GPC5: variants seen among roughly 807,000 people sequenced by gnomAD.
GPC5 encodes glypican-5.
A neutral mutation model predicts 53.9 loss-of-function variants in GPC5; 47 were observed. The ratio of observed to expected loss-of-function variants is 0.87; its 90% confidence interval spans 0.69 to 1.11. GPC5 has a LOEUF of 1.11. Ranked by LOEUF, GPC5 falls within the 50% of genes most tolerant of loss-of-function variation. The pLI, the probability that GPC5 is intolerant of heterozygous loss-of-function variation, is 0.00. For synonymous variants in GPC5, 286 were observed against 263.3 expected, an observed-to-expected ratio of 1.09 and a Z score of -0.84; for missense variants, 748 against 713.1, an observed-to-expected ratio of 1.05 and a Z score of -0.56.
At chr13:92,754,917 T>A (rs1411140462) in intron 7 of GPC5, among the ~76,000 whole-genome samples, 2 of 150,012 alleles carry the variant, frequency 1.3e-5, no homozygotes, top group Non-Finnish European at 3.0e-5. Context: ...ATTAGACAGA[T>A]CAACGAGACA....
At chr13:91,635,801 T>C (rs1324065919) in intron 2 of GPC5, among the ~76,000 whole-genome samples, 1 of 152,126 alleles carries the variant, frequency 6.6e-6, no homozygotes, top group East Asian at 1.9e-4. Flanking sequence ...TAGAATTATA[T>C]TGTCAGTTTC....
At chr13:92,282,848 A>C (rs190158929) in intron 7 of GPC5, among the ~76,000 whole-genome samples, 5 of 152,340 alleles carry the variant, frequency 3.3e-5, no homozygotes, top group African/African-American at 9.6e-5. Flanking sequence ...TGAGCAAAAT[A>C]ACCAGCTAAC....
At chr13:92,785,601 A>G (rs1364115253) in intron 7 of GPC5, among the ~76,000 whole-genome samples, 2 of 152,212 alleles carry the variant, frequency 1.3e-5, no homozygotes, top group Admixed American at 6.5e-5. Flanking sequence ...CTAGGAATCC[A>G]TCATATAGTG....
At chr13:92,610,213 A>T (rs552309454) in intron 7 of GPC5, among the ~76,000 whole-genome samples, 1 of 152,250 alleles carries the variant, frequency 6.6e-6, no homozygotes, top group South Asian at 2.1e-4. Flanking sequence ...TGGATATTTG[A>T]TTATCTAGAG....
At chr13:92,672,312 A>G (rs1215746626) in intron 7 of GPC5, among the ~76,000 whole-genome samples, 1 of 152,190 alleles carries the variant, frequency 6.6e-6, no homozygotes, top group African/African-American at 2.4e-5. Flanking sequence ...TTAGAGAAAT[A>G]CAAATCAAGA....
chr13:92,819,631 C>G (rs1362763155), intron 7 of GPC5, among the ~76,000 whole-genome samples: 1 of 151,940 alleles, frequency 6.6e-6, no homozygotes, highest in Admixed American at 6.6e-5. Flanking sequence ...ATATGTTTTT[C>G]TAGTTTTCAC....
chr13:91,719,271 C>T (rs900515544), intron 3 of GPC5, among the ~76,000 whole-genome samples: 1 of 152,220 alleles, frequency 6.6e-6, no homozygotes, highest in African/African-American at 2.4e-5. Flanking sequence ...CTTGGCCTGC[C>T]TCCACAGATG....
In GPC5 at chr13:91,589,145, C is replaced by G. The variant is rs1276976505; in HGVS notation, c.326-104042C>G. On this transcript the variant is annotated intron_variant, in intron 2 of 7. Transcript: ENST00000377067. ...CAGTATTTGATGTCTTTGACCGTCT[C>G]TTCCTACCCTTGATAGCTCCTCACT... Among the ~76,000 whole-genome samples the G allele has an allele frequency of 1.8e-4, 27 of 152,100 alleles. 1 individual carries two copies. Among genetic ancestry groups the G allele is most frequent in the Admixed American group, 1.8e-3 (27 of 15,238 alleles).
intron 7 of GPC5, among the ~76,000 whole-genome samples, chr13:92,478,293 T>C (rs1879225741): frequency 6.6e-6 from 1 of 152,176 alleles, no homozygotes; most frequent in South Asian, 2.1e-4. Context: ...CTGCAATTTC[T>C]CTTGATCCTT....
chr13:91,932,766 C>T (rs1162021710), intron 6 of GPC5, among the ~76,000 whole-genome samples: 1 of 151,912 alleles, frequency 6.6e-6, no homozygotes, highest in Admixed American at 6.6e-5. Context: ...ATTGTAATGG[C>T]CTCCTAGCAT....
intron 7 of GPC5, among the ~76,000 whole-genome samples, chr13:92,612,526 T>A (rs1884472455): frequency 6.6e-6 from 1 of 152,064 alleles, no homozygotes; most frequent in Admixed American, 6.6e-5. Context: ...AACTATAACA[T>A]CACAAAACTT....
intron 6 of GPC5, among the ~76,000 whole-genome samples, chr13:92,100,499 C>T (rs1027641329): frequency 6.6e-6 from 1 of 152,160 alleles, no homozygotes; most frequent in African/African-American, 2.4e-5. Flanking sequence ...GGATTGACAT[C>T]TTGTTAAAAT....
In GPC5 at chr13:91,541,893, C is replaced by T. The variant is rs568388044; in HGVS notation, c.325+92971C>T. ...GATTCCAGGCTTTTACTGTTTTTTT[C>T]GTAAATGGTGGAGTCTGAAATAAAT... On this transcript the variant is annotated intron_variant, in intron 2 of 7. Coordinates refer to ENST00000377067, the MANE Select transcript of GPC5 (RefSeq NM_004466.6). Among the ~76,000 whole-genome samples, 27 of 151,208 alleles carry T rather than the reference C, an allele frequency of 1.8e-4. 1 individual carries two copies. In the South Asian group the frequency reaches 4.0e-3, roughly 22 times the overall value.
chr13:92,184,112 TATTATTTATACTGCAA>T (rs1293273998), intron 7 of GPC5, among the ~76,000 whole-genome samples: 1 of 152,130 alleles, frequency 6.6e-6, no homozygotes, highest in African/African-American at 2.4e-5. Flanking sequence ...GCTTATGGTG[TATTATTTATACTGCAA>T]ATTCATCTTT....
chr13:92,708,857 C>CTTTTTTTTTTTTTTTTTTTTT lies in GPC5; in HGVS notation c.1562-157402_1562-157382dup, dbSNP rs752130758. On this transcript the variant is annotated intron_variant, in intron 7 of 7. Transcript: ENST00000377067. Reference sequence around the variant, plus strand: ...CTAGCAGCATCTAGCTGGAAACCGCCTTTTTTTTTTTTTTTTTTTTTTTTT... The same window carrying CTTTTTTTTTTTTTTTTTTTTT: ...CTAGCAGCATCTAGCTGGAAACCGCCTTTTTTTTTTTTTTTTTTTTTTTTTTTTTTTTTTTTTTTTTTTTTT... Among the ~76,000 whole-genome samples, 28 of 48,184 alleles carry CTTTTTTTTTTTTTTTTTTTTT rather than the reference C, an allele frequency of 5.8e-4. 11 individuals are homozygous for CTTTTTTTTTTTTTTTTTTTTT. Among genetic ancestry groups the CTTTTTTTTTTTTTTTTTTTTT allele is most frequent in the Non-Finnish European group, 1.1e-3 (27 of 24,284 alleles). The allele number at this position is 48,184 out of a possible 152,430, so 31.6% of individuals were successfully genotyped here.
intron 2 of GPC5, among the ~76,000 whole-genome samples, chr13:91,662,596 TA>T (rs1467431526): frequency 1.3e-5 from 2 of 152,246 alleles, no homozygotes; most frequent in African/African-American, 2.4e-5. Flanking sequence ...AACATTTAGA[TA>T]TCTAATCTTG....
intron 5 of GPC5, among the ~76,000 whole-genome samples, chr13:91,857,164 C>A (rs1302675373): frequency 2.0e-5 from 3 of 151,264 alleles, no homozygotes; most frequent in Non-Finnish European, 4.4e-5. Context: ...CAGTATTCAG[C>A]CCAGAGTAAT....
intron 7 of GPC5, among the ~76,000 whole-genome samples, chr13:92,478,037 T>G (rs1236253241): frequency 6.6e-6 from 1 of 152,176 alleles, no homozygotes; most frequent in African/African-American, 2.4e-5. Flanking sequence ...TACAGATAAT[T>G]TATCTCCTTA....
intron 5 of GPC5, among the ~76,000 whole-genome samples, chr13:91,862,520 A>G (rs2039040957): frequency 1.3e-5 from 2 of 152,226 alleles, no homozygotes; most frequent in South Asian, 2.1e-4. Context: ...ACGAAGAATT[A>G]TATGGCCCAA....
Sources: allele counts gnomAD v4.1 joint callset (sites outside exome capture counted in the v4.1 genomes callset), GRCh38; gene constraint gnomAD v4.1.1; transcripts MANE v1.5; gene names NCBI Gene and HGNC (gene_info 2026-07-23, HGNC 2026-07-21).